CELF1: variants seen among roughly 807,000 people sequenced by gnomAD.
The protein encoded by CELF1 is 50 kDa nuclear polyadenylated RNA-binding protein.
Under a neutral mutation model 61.8 loss-of-function variants are expected in CELF1, and 10 were observed. That is an observed-to-expected ratio of 0.16 (90% CI 0.10 to 0.27). CELF1 has a LOEUF of 0.27. Among genes scored for constraint, CELF1 ranks in the 10% least tolerant of loss-of-function variants. CELF1 has a pLI of 1.00. For missense variants in CELF1, 380 were observed against 639.1 expected, an observed-to-expected ratio of 0.59 and a Z score of 4.37; for synonymous variants, 236 against 225.1, an observed-to-expected ratio of 1.05 and a Z score of -0.43.
Position 47,478,664 on chromosome 11 carries a change from A to AC in CELF1, c.844+212dup, listed in dbSNP as rs143929656. Among the ~76,000 whole-genome samples the AC allele has an allele frequency of 1.8e-4, 27 of 152,356 alleles. No homozygotes were observed. The East Asian group carries it at 5.2e-3, about 29-fold the overall frequency. On this transcript the variant is annotated intron_variant, in intron 10 of 14. Coordinates refer to ENST00000687097, the MANE Select transcript of CELF1 (RefSeq NM_001376376.1). Reference sequence around the variant, plus strand: ...ACAGTGACCTAAAAGGTTAGGAGGCACCAGATAACGTCAGAGCAATGTGGC... The same window carrying AC: ...ACAGTGACCTAAAAGGTTAGGAGGCACCCAGATAACGTCAGAGCAATGTGGC...
At chr11:47,537,179 G>A (rs1405823028) in intron 1 of CELF1, among the ~76,000 whole-genome samples, 2 of 151,718 alleles carry the variant, frequency 1.3e-5, no homozygotes, top group African/African-American at 2.4e-5. Flanking sequence ...GGAGCCTTCT[G>A]ACTGTTCAGG....
intron 1 of CELF1, among the ~76,000 whole-genome samples, chr11:47,547,925 G>A (rs2097019618): frequency 6.6e-6 from 1 of 152,140 alleles, no homozygotes; most frequent in Admixed American, 6.6e-5. Flanking sequence ...TGTATGCGGT[G>A]ATGAAAACAT....
intron 1 of CELF1, among the ~76,000 whole-genome samples, chr11:47,529,898 T>C (rs182774422): frequency 6.1e-4 from 92 of 152,054 alleles, no homozygotes; most frequent in Non-Finnish European, 9.4e-4. Context: ...TGATAACAGG[T>C]AGGCAAACAA....
Position 47,492,119 on chromosome 11 carries a change from G to A in CELF1, c.72-3095C>T, listed in dbSNP as rs962748749. 3.3e-5 allele frequency among the ~76,000 whole-genome samples: 5 copies of A among 152,182 alleles called. No individual in the cohort carries two copies. The East Asian group carries it at 7.7e-4, about 24-fold the overall frequency. ...CAGCAATCCCAGTAGATGGAACTAC[G>A]GGTGTGCGCCACCACATCTGGCTAG... On this transcript the variant is annotated intron_variant, in intron 3 of 14. Transcript: ENST00000687097.
chr11:47,475,629 T>G, intron 12 of CELF1, 108 bp from the exon 13 acceptor site: 1 of 1,056,610 alleles, frequency 9.5e-7, no homozygotes, highest in Non-Finnish European at 1.4e-6. Flanking sequence ...GTTCTCCCCT[T>G]TATCTCCCTC....
chr11:47,510,621 G>C (rs1436714207), intron 1 of CELF1, among the ~76,000 whole-genome samples: 1 of 152,026 alleles, frequency 6.6e-6, no homozygotes, highest in Non-Finnish European at 1.5e-5. Context: ...CAAGTAGCTT[G>C]AACTACAGGT....
intron 1 of CELF1, among the ~76,000 whole-genome samples, chr11:47,509,897 C>CA (rs34105209): frequency 0.38 from 51,336 of 136,382 alleles, 10,589 homozygotes; most frequent in African/African-American, 0.54. Context: ...TGTGGTGTCT[C>CA]AAAAAAAAAA....
At position 47,467,529 on chromosome 11, in the gene CELF1, G is replaced by A. The variant is rs1484713269; in HGVS notation, c.*4701C>T. 6.6e-6 allele frequency: 1 copy of A among 152,316 alleles called. No homozygotes were observed. Among genetic ancestry groups the A allele is most frequent in the Non-Finnish European group, 1.5e-5 (1 of 68,126 alleles). 9.4% of individuals were successfully genotyped at this position (152,316 alleles called of 1,614,324 possible). On this transcript the variant is annotated 3_prime_UTR_variant, in exon 15 of 15. Coordinates refer to ENST00000687097, the MANE Select transcript of CELF1 (RefSeq NM_001376376.1). ...TAAACAGTGTGAAGACTGTAGTATT[G>A]TGCTTGTCACCTAGGAAAAGCGCCA...
At chr11:47,558,573 A>AT (rs1491314169) in intron 2 of CELF1, among the ~76,000 whole-genome samples, 1 of 113,338 alleles carries the variant, frequency 8.8e-6, no homozygotes, top group African/African-American at 3.7e-5. Flanking sequence ...TATAATATAT[A>AT]AATATATATA....
At chr11:47,526,084 C>T (rs2096227498) in intron 1 of CELF1, among the ~76,000 whole-genome samples, 1 of 152,118 alleles carries the variant, frequency 6.6e-6, no homozygotes, top group Non-Finnish European at 1.5e-5. Context: ...AATCCCAGCA[C>T]TTTGGGAGGC....
At chr11:47,555,534 G>A (rs1391964240), upstream of CELF1, among the ~76,000 whole-genome samples, 2 of 152,114 alleles carry the variant, frequency 1.3e-5, no homozygotes, top group Non-Finnish European at 2.9e-5. Flanking sequence ...AGGTTGGGGG[G>A]AAGAACAATT....
At chr11:47,492,814 A>T (rs570938410) in intron 3 of CELF1, among the ~76,000 whole-genome samples, 1 of 152,338 alleles carries the variant, frequency 6.6e-6, no homozygotes, top group East Asian at 1.9e-4. Context: ...CAGTTGTAAT[A>T]GCATTTTACT....
chr11:47,557,957 G>A (rs1425403122), upstream of CELF1: 1 of 152,098 alleles, frequency 6.6e-6, no homozygotes, highest in Non-Finnish European at 1.5e-5. Context: ...CTGGGTTCAA[G>A]AGATTCTCCT....
chr11:47,519,479 C>CTAAAT (rs1405051746), intron 1 of CELF1, among the ~76,000 whole-genome samples: 14 of 144,928 alleles, frequency 9.7e-5, no homozygotes, highest in African/African-American at 3.6e-4. Flanking sequence ...GACTCCATCT[C>CTAAAT]TAAATAAATA....
intron 9 of CELF1, among the ~76,000 whole-genome samples, chr11:47,481,102 C>CTTTTTTTTTTTTTTTTTTGTTTTTTTTT (rs2082926780): frequency 1.4e-5 from 1 of 71,418 alleles, no homozygotes; most frequent in African/African-American, 5.7e-5. Flanking sequence ...TTTTCTTCTT[C>CTTTTTTTTTTTTTTTTTTGTTTTTTTTT]TTTTTTTTTT....
chr11:47,497,973 C>T (rs1262068579), intron 3 of CELF1, among the ~76,000 whole-genome samples: 1 of 152,154 alleles, frequency 6.6e-6, no homozygotes, highest in Admixed American at 6.5e-5. Context: ...TTCTAAGGAT[C>T]ATAAATCCTG....
chr11:47,551,039 TAA>T (rs10718787), intron 1 of CELF1, among the ~76,000 whole-genome samples: 98 of 146,636 alleles, frequency 6.7e-4, no homozygotes, highest in African/African-American at 1.0e-3. Flanking sequence ...TGATATTGTT[TAA>T]AAAAAAAAAA....
chr11:47,537,203 G>C (rs550516322), intron 1 of CELF1, among the ~76,000 whole-genome samples: 1 of 151,442 alleles, frequency 6.6e-6, no homozygotes, highest in Non-Finnish European at 1.5e-5. Context: ...TAAAAATTAC[G>C]AAGTTTCAAG....
intron 1 of CELF1, among the ~76,000 whole-genome samples, chr11:47,525,039 C>G (rs1466085676): frequency 6.6e-6 from 1 of 152,136 alleles, no homozygotes; most frequent in Non-Finnish European, 1.5e-5. Flanking sequence ...CTTCCCAGAT[C>G]AGCAGTAGTG....
Sources: allele counts gnomAD v4.1 joint callset (sites outside exome capture counted in the v4.1 genomes callset), GRCh38; gene constraint gnomAD v4.1.1; transcripts MANE v1.5; gene names NCBI Gene and HGNC (gene_info 2026-07-23, HGNC 2026-07-21).